The following GON4L variants were observed in gnomAD, a reference collection of about 807,000 sequenced individuals.
GON4L encodes GON-4-like protein.
A neutral mutation model predicts 211.8 loss-of-function variants in GON4L; 87 were observed. The observed-to-expected ratio is 0.41, with a 90% CI of 0.35 to 0.49. GON4L has a LOEUF of 0.49. GON4L is among the 20% of genes least tolerant of loss of function. The probability of loss-of-function intolerance (pLI) is 0.15; values close to 1 mark genes in which losing one functional copy is unlikely to be tolerated. For synonymous variants in GON4L, 875 were observed against 962.6 expected (o/e 0.91, Z 1.68); for missense variants, 2,155 against 2,659.5 (o/e 0.81, Z 4.17).
intron 3 of GON4L, among the ~76,000 whole-genome samples, chr1:155,824,194 G>C (rs1029050028): frequency 6.6e-6 from 1 of 151,164 alleles, no homozygotes; most frequent in African/African-American, 2.4e-5. Flanking sequence ...AAGCCAAGGC[G>C]GGCAGATCAT....
intron 6 of GON4L, among the ~76,000 whole-genome samples, chr1:155,818,727 G>A (rs889760252): frequency 1.3e-5 from 2 of 152,198 alleles, no homozygotes; most frequent in African/African-American, 4.8e-5. Flanking sequence ...TATGGGACGG[G>A]CACAGTGGCT....
chr1:155,811,818 A>G (rs551611857), intron 10 of GON4L, among the ~76,000 whole-genome samples: 1 of 148,670 alleles, frequency 6.7e-6, no homozygotes, highest in African/African-American at 2.5e-5. Context: ...TCATCTCAGC[A>G]CTTTGGGAGG....
chr1:155,795,910 T>C (rs1666026325), intron 11 of GON4L, among the ~76,000 whole-genome samples: 1 of 152,292 alleles, frequency 6.6e-6, no homozygotes, highest in African/African-American at 2.4e-5. Flanking sequence ...AGTGCTGAGA[T>C]TACAGTGTGA....
At position 155,765,955 on chromosome 1, in the gene GON4L, T is replaced by G; in HGVS notation, c.3518A>C (p.Gln1173Pro). Reference sequence around the variant, plus strand: ...AGTGATGGGAATAGTCTGGGGACTCTGGGCCACAGCCGCATTGACAGGCTG... The same window carrying G: ...AGTGATGGGAATAGTCTGGGGACTCGGGGCCACAGCCGCATTGACAGGCTG... The part of the protein sequence containing the change: ...MIQPVNAAVA[Q>P]SPQTIPITTL... Residue 1173 changes from glutamine (Q) to proline (P), a missense_variant, in exon 21 of 32, where the codon CAG becomes CCG. Around this residue, in one of 6 missense-constraint regions of GON4L, gnomAD observed 615 missense variants for 625.7 expected, o/e 0.98. Transcript: ENST00000368331. The G allele has an allele frequency of 6.2e-7, 1 of 1,614,166 alleles. No homozygotes were observed. The highest frequency in any genetic ancestry group is 8.5e-7 in the Non-Finnish European group (1 of 1,180,024).
upstream of GON4L, chr1:155,859,367 A>C (rs188262117): frequency 9.7e-5 from 18 of 184,780 alleles, no homozygotes; most frequent in Admixed American, 1.8e-4. Context: ...TTCTCGGGAA[A>C]ACTCGGCGGT....
intron 12 of GON4L, among the ~76,000 whole-genome samples, chr1:155,787,196 T>C (rs2481622): frequency 1 from 152,282 of 152,294 alleles, 76,135 homozygotes; most frequent in Non-Finnish European, 1. Flanking sequence ...AGGCGTGAGC[T>C]ACCGCGCCCA....
chr1:155,836,310 C>T (rs12741576), intron 2 of GON4L, among the ~76,000 whole-genome samples: 2 of 149,486 alleles, frequency 1.3e-5, no homozygotes, highest in Non-Finnish European at 3.0e-5. Flanking sequence ...AGTGCAGTGG[C>T]ACAATCTCGG....
chr1:155,773,349 C>A (rs1557846874), intron 17 of GON4L, 139 bp from the exon 18 acceptor site: 4 of 875,778 alleles, frequency 4.6e-6, no homozygotes, highest in East Asian at 2.6e-5. Context: ...ACCATCCCCC[C>A]AAAAGTTTCC....
chr1:155,809,234 C>G (rs1046152862), intron 10 of GON4L, among the ~76,000 whole-genome samples: 3 of 152,102 alleles, frequency 2.0e-5, no homozygotes, highest in Non-Finnish European at 2.9e-5. Flanking sequence ...AGTTCTCTGA[C>G]AGGAAGTTTC....
At chr1:155,841,084 C>A (rs1391055430) in intron 2 of GON4L, among the ~76,000 whole-genome samples, 1 of 152,180 alleles carries the variant, frequency 6.6e-6, no homozygotes, top group African/African-American at 2.4e-5. Flanking sequence ...AGCTTGTATT[C>A]ATTTAATAAT....
intron 2 of GON4L, among the ~76,000 whole-genome samples, chr1:155,831,270 G>A (rs1258827175): frequency 2.0e-5 from 3 of 152,130 alleles, no homozygotes; most frequent in Non-Finnish European, 4.4e-5. Flanking sequence ...CTGTACTCCA[G>A]CCTAGGTAAC....
At chr1:155,770,367 A>C (rs906498182) in intron 19 of GON4L, among the ~76,000 whole-genome samples, 1 of 152,198 alleles carries the variant, frequency 6.6e-6, no homozygotes, top group African/African-American at 2.4e-5. Context: ...GCATCTCCAC[A>C]CAAAATAAAA....
chr1:155,807,953 T>C (rs1667315621), intron 10 of GON4L, among the ~76,000 whole-genome samples: 1 of 152,064 alleles, frequency 6.6e-6, no homozygotes, highest in African/African-American at 2.4e-5. Flanking sequence ...ACCCTCTTGC[T>C]TTACTCTAGT....
rs369142793 is a variant in GON4L at position 155,832,472 on chromosome 1, C to T, written c.506-5444G>A. Among the ~76,000 whole-genome samples, 206 of 151,952 alleles carry T rather than the reference C, an allele frequency of 1.4e-3. 2 individuals are homozygous for T. Among genetic ancestry groups the T allele is most frequent in the African/African-American group, 4.1e-3 (170 of 41,458 alleles). On this transcript the variant is annotated intron_variant, in intron 2 of 31. Coordinates refer to ENST00000368331, the MANE Select transcript of GON4L (RefSeq NM_001282860.2). Reference sequence around the variant, plus strand: ...TGACCAACATGGGGAAACCCCACCTCTACTGAAAATACAAAAATTAGCCAG... The same window carrying T: ...TGACCAACATGGGGAAACCCCACCTTTACTGAAAATACAAAAATTAGCCAG...
At chr1:155,837,333 T>C (rs1465734502) in intron 2 of GON4L, among the ~76,000 whole-genome samples, 1 of 152,178 alleles carries the variant, frequency 6.6e-6, no homozygotes, top group Non-Finnish European at 1.5e-5. Context: ...TCTCCACTGA[T>C]GGGTGAGTTC....
At chr1:155,807,038 G>A (rs1667192389) in intron 10 of GON4L, among the ~76,000 whole-genome samples, 2 of 148,026 alleles carry the variant, frequency 1.4e-5, no homozygotes, top group Admixed American at 6.9e-5. Flanking sequence ...GATCAAGGCT[G>A]TAGTGAGCCA....
At chr1:155,827,091 T>C (rs1465013939) in intron 2 of GON4L, 63 bp from the exon 3 acceptor site, 1 of 1,212,736 alleles carries the variant, frequency 8.2e-7, no homozygotes, top group East Asian at 2.3e-5. Context: ...TGTTGTAGAA[T>C]TTAGCATCTT....
intron 14 of GON4L, among the ~76,000 whole-genome samples, chr1:155,779,314 T>C (rs1010807302): frequency 4.0e-5 from 6 of 150,942 alleles, no homozygotes; most frequent in Admixed American, 3.3e-4. Context: ...TGTAGCTACA[T>C]AAACAGATTT....
chr1:155,802,034 A>G (rs371179529), intron 11 of GON4L, among the ~76,000 whole-genome samples: 5 of 152,204 alleles, frequency 3.3e-5, no homozygotes, highest in African/African-American at 1.2e-4. Context: ...AATGTTTGAG[A>G]AAAGTCTTAA....
Sources: gnomAD v4.1 joint callset for allele counts (sites outside exome capture counted in the v4.1 genomes callset) on GRCh38, gnomAD v4.1.1 for gene constraint, gnomAD v4.1.1 regional missense constraint, MANE v1.5 for transcripts, NCBI Gene and HGNC (gene_info 2026-07-23, HGNC 2026-07-21) for gene names.